Variants in GALNT13 observed in about 807,000 individuals in gnomAD.
GALNT13 encodes polypeptide N-acetylgalactosaminyltransferase 13.
GALNT13 carries 28 observed loss-of-function variants against 64.2 expected under a neutral mutation model. The observed-to-expected ratio is 0.44, with a 90% CI of 0.32 to 0.60. The LOEUF is 0.60. Among genes scored for constraint, GALNT13 ranks in the 20% least tolerant of loss-of-function variants. The probability of loss-of-function intolerance (pLI) is 0.05; values close to 1 mark genes in which losing one functional copy is unlikely to be tolerated. For missense variants in GALNT13, 577 were observed against 669.8 expected, an observed-to-expected ratio of 0.86 and a Z score of 1.53; for synonymous variants, 214 against 224.6, an observed-to-expected ratio of 0.95 and a Z score of 0.42.
At chr2:154,424,864 G>A (rs536688512) in intron 11 of GALNT13, among the ~76,000 whole-genome samples, 1 of 152,112 alleles carries the variant, frequency 6.6e-6, no homozygotes, top group Non-Finnish European at 1.5e-5. Context: ...GCCTTTGGGG[G>A]AACCCAAACT....
chr2:154,235,126 A>G (rs761832695), intron 4 of GALNT13, among the ~76,000 whole-genome samples: 2 of 152,102 alleles, frequency 1.3e-5, no homozygotes, highest in Non-Finnish European at 2.9e-5. Flanking sequence ...ATCCTGCCCA[A>G]TGACCCTCTC....
At chr2:153,118,353 G>A in the GALNT13 span, among the ~76,000 whole-genome samples, 1 of 152,124 alleles carries the variant, frequency 6.6e-6, no homozygotes, top group South Asian at 2.1e-4. Context: ...CCTTCCCAGG[G>A]CAACCATCAC....
intron 4 of GALNT13, among the ~76,000 whole-genome samples, chr2:154,161,981 C>G (rs1329070071): frequency 6.6e-6 from 1 of 152,114 alleles, no homozygotes; most frequent in African/African-American, 2.4e-5. Flanking sequence ...TGGGGTTTCA[C>G]TGTGTTAGCC....
chr2:154,051,981 A>G (rs1340247300), intron 3 of GALNT13, among the ~76,000 whole-genome samples: 2 of 152,212 alleles, frequency 1.3e-5, no homozygotes, highest in African/African-American at 4.8e-5. Flanking sequence ...GGTGCAAGAA[A>G]AAGTGGTGAA....
the GALNT13 span, among the ~76,000 whole-genome samples, chr2:153,408,670 T>TTTTTG: frequency 5.9e-5 from 9 of 151,680 alleles, no homozygotes; most frequent in Non-Finnish European, 7.4e-5. Context: ...TTTTGTTTTT[T>TTTTTG]TTTTGCTAAG....
At chr2:153,496,353 T>C in the GALNT13 span, among the ~76,000 whole-genome samples, 1 of 152,210 alleles carries the variant, frequency 6.6e-6, no homozygotes, top group Non-Finnish European at 1.5e-5. Context: ...GGCTTGAAAT[T>C]TACTGTATAC....
intron 4 of GALNT13, among the ~76,000 whole-genome samples, chr2:154,156,426 C>G (rs886292977): frequency 2.0e-5 from 3 of 151,990 alleles, no homozygotes; most frequent in Admixed American, 2.0e-4. Context: ...AGTTTAAACA[C>G]ATGAATTAAT....
At chr2:154,048,363 C>A (rs189597353) in intron 3 of GALNT13, among the ~76,000 whole-genome samples, 288 of 152,192 alleles carry the variant, frequency 1.9e-3, no homozygotes, top group African/African-American at 6.2e-3. Flanking sequence ...CCAGACATTG[C>A]CAAATGTACT....
At chr2:154,178,596 C>T (rs754382162) in intron 4 of GALNT13, among the ~76,000 whole-genome samples, 1 of 152,122 alleles carries the variant, frequency 6.6e-6, no homozygotes, top group South Asian at 2.1e-4. Context: ...GTCTTCCTCT[C>T]GCTCAATCTG....
At chr2:153,453,986 G>A in the GALNT13 span, among the ~76,000 whole-genome samples, 1 of 152,124 alleles carries the variant, frequency 6.6e-6, no homozygotes, top group Non-Finnish European at 1.5e-5. Context: ...TGCAGCTGGA[G>A]ACCATTATCC....
intron 11 of GALNT13, among the ~76,000 whole-genome samples, chr2:154,420,215 T>C (rs1038534446): frequency 1.3e-5 from 2 of 152,082 alleles, no homozygotes; most frequent in African/African-American, 2.4e-5. Flanking sequence ...ATCTGTTACC[T>C]GAAAAATTTA....
the GALNT13 span, among the ~76,000 whole-genome samples, chr2:153,462,371 TA>T: frequency 6.6e-6 from 1 of 152,142 alleles, no homozygotes; most frequent in Non-Finnish European, 1.5e-5. Flanking sequence ...ATTTTTTAAA[TA>T]AAAAGAATAT....
the GALNT13 span, chr2:153,446,955 A>G: frequency 6.6e-6 from 1 of 152,222 alleles, no homozygotes; most frequent in Non-Finnish European, 1.5e-5. Context: ...TATTAAACAT[A>G]GTGATGACGA....
chr2:153,671,845 G>A, the GALNT13 span, among the ~76,000 whole-genome samples: 38 of 152,186 alleles, frequency 2.5e-4, 1 homozygote, highest in African/African-American at 8.7e-4. Flanking sequence ...CAAAATAAAG[G>A]GATGGAGGAA....
downstream of GALNT13, among the ~76,000 whole-genome samples, chr2:154,455,116 A>G (rs1702014617): frequency 2.6e-5 from 4 of 152,158 alleles, no homozygotes; most frequent in Admixed American, 2.6e-4. Flanking sequence ...AAAAGTGTAC[A>G]GAGAGAGAAA....
At chr2:153,409,317 T>A in the GALNT13 span, among the ~76,000 whole-genome samples, 2 of 147,232 alleles carry the variant, frequency 1.4e-5, no homozygotes, top group East Asian at 4.0e-4. Flanking sequence ...TATATGAATA[T>A]GTATATATTC....
At chr2:153,615,769 T>A in the GALNT13 span, among the ~76,000 whole-genome samples, 2 of 152,088 alleles carry the variant, frequency 1.3e-5, no homozygotes, top group African/African-American at 2.4e-5. Context: ...TTTTGTCCAT[T>A]TTAAAAATCA....
the GALNT13 span, among the ~76,000 whole-genome samples, chr2:153,682,673 C>G: frequency 2.0e-5 from 3 of 151,732 alleles, no homozygotes; most frequent in Admixed American, 6.6e-5. Context: ...GTGTAGCATA[C>G]TTGATGGCTT....
chr2:153,075,169 C>T, the GALNT13 span, among the ~76,000 whole-genome samples: 5 of 152,168 alleles, frequency 3.3e-5, no homozygotes, highest in African/African-American at 7.2e-5. Flanking sequence ...CATTTTCTTG[C>T]TAAAACCTGA....
Sources: gnomAD v4.1 joint callset for allele counts (sites outside exome capture counted in the v4.1 genomes callset) on GRCh38, gnomAD v4.1.1 for gene constraint, MANE v1.5 for transcripts, NCBI Gene and HGNC (gene_info 2026-07-23, HGNC 2026-07-21) for gene names.